The following CSMD1 variants were observed in gnomAD, a reference collection of about 807,000 sequenced individuals.
The protein encoded by CSMD1 is CUB and Sushi multiple domains 1, also known as CUB and sushi domain-containing protein 1.
Under a neutral mutation model 417.5 loss-of-function variants are expected in CSMD1, and 213 were observed. That is an observed-to-expected ratio of 0.51 (90% confidence interval 0.46 to 0.57). The LOEUF (loss-of-function observed/expected upper bound fraction) is 0.57, where lower values mean the gene tolerates loss of function less well. Ranked by LOEUF, CSMD1 falls within the 20% of genes least tolerant of loss-of-function variation. The pLI is 0.00. For missense variants in CSMD1, 6,923 were observed against 4,529.7 expected, an observed-to-expected ratio of 1.53 and a Z score of -15.17; for synonymous variants, 2,862 against 1,736.8, an observed-to-expected ratio of 1.65 and a Z score of -16.11.
At chr8:3,999,620 G>A (rs1168482432) in intron 4 of CSMD1, among the ~76,000 whole-genome samples, 2 of 152,118 alleles carry the variant, frequency 1.3e-5, no homozygotes, top group Non-Finnish European at 2.9e-5. Flanking sequence ...TTTTGTTCCC[G>A]GAGTTTGGAG....
intron 1 of CSMD1, among the ~76,000 whole-genome samples, chr8:4,664,897 T>A (rs1026773852): frequency 1.3e-5 from 2 of 152,188 alleles, no homozygotes; most frequent in African/African-American, 2.4e-5. Context: ...TCTTTACAGT[T>A]TCTATTTACA....
intron 3 of CSMD1, among the ~76,000 whole-genome samples, chr8:4,120,746 T>A (rs1171945127): frequency 6.6e-6 from 1 of 152,224 alleles, no homozygotes; most frequent in East Asian, 1.9e-4. Flanking sequence ...AGGCTCAGAA[T>A]GTGTCTTAGA....
At chr8:3,162,353 T>A (rs984267905) in intron 37 of CSMD1, 76 bp from the exon 38 acceptor site, 14 of 905,048 alleles carry the variant, frequency 1.5e-5, no homozygotes, top group African/African-American at 1.3e-4. Context: ...CCAAAGTTTA[T>A]TTCTATTGCT....
At chr8:4,310,650 G>A (rs140548689) in intron 3 of CSMD1, among the ~76,000 whole-genome samples, 241 of 152,162 alleles carry the variant, frequency 1.6e-3, no homozygotes, top group African/African-American at 5.5e-3. Flanking sequence ...ACATTTGACC[G>A]AGACTATAAA....
At chr8:3,005,459 A>G (rs537685298) in intron 52 of CSMD1, among the ~76,000 whole-genome samples, 103 of 152,244 alleles carry the variant, frequency 6.8e-4, no homozygotes, top group South Asian at 1.0e-3. Flanking sequence ...GCTGGGCAGA[A>G]ACACAACCAA....
At chr8:4,308,507 G>C (rs1426098047) in intron 3 of CSMD1, among the ~76,000 whole-genome samples, 5 of 152,192 alleles carry the variant, frequency 3.3e-5, no homozygotes, top group Non-Finnish European at 7.3e-5. Flanking sequence ...GGCCATTTCA[G>C]TACTTCAGAG....
intron 2 of CSMD1, among the ~76,000 whole-genome samples, chr8:4,561,620 C>T (rs963905413): frequency 1.3e-5 from 2 of 151,818 alleles, no homozygotes; most frequent in Non-Finnish European, 2.9e-5. Flanking sequence ...AGATTGAGGC[C>T]GCAGTGAGCC....
At chr8:3,045,987 C>A (rs1340423614) in intron 50 of CSMD1, among the ~76,000 whole-genome samples, 1 of 152,164 alleles carries the variant, frequency 6.6e-6, no homozygotes, top group Non-Finnish European at 1.5e-5. Flanking sequence ...TACTTATGCA[C>A]ACAGGGACTC....
intron 3 of CSMD1, among the ~76,000 whole-genome samples, chr8:4,407,685 ATT>A (rs1796397352): frequency 6.6e-6 from 1 of 152,208 alleles, no homozygotes; most frequent in Admixed American, 6.5e-5. Context: ...ACAAATTTAA[ATT>A]TGTTATCACG....
At chr8:4,957,972 GTTA>G (rs1336525098) in intron 1 of CSMD1, among the ~76,000 whole-genome samples, 1 of 152,152 alleles carries the variant, frequency 6.6e-6, no homozygotes, top group South Asian at 2.1e-4. Flanking sequence ...TTAGTAAGAT[GTTA>G]TTTTTTCCAT....
chr8:3,769,461 G>C (rs187443058), intron 5 of CSMD1, among the ~76,000 whole-genome samples: 3 of 150,816 alleles, frequency 2.0e-5, no homozygotes, highest in Non-Finnish European at 4.4e-5. Flanking sequence ...TGAACTCATT[G>C]TTTTTCTTCC....
At chr8:4,088,199 C>T (rs1178580568) in intron 3 of CSMD1, among the ~76,000 whole-genome samples, 2 of 152,160 alleles carry the variant, frequency 1.3e-5, no homozygotes, top group Non-Finnish European at 2.9e-5. Flanking sequence ...CCAATCCCTT[C>T]ATTAAAGATG....
At chr8:3,912,960 G>C (rs1390573908) in intron 5 of CSMD1, among the ~76,000 whole-genome samples, 3 of 152,146 alleles carry the variant, frequency 2.0e-5, no homozygotes, top group Non-Finnish European at 4.4e-5. Flanking sequence ...TGGATTGAGA[G>C]GAGTAACCAA....
At chr8:3,509,302 C>T (rs1317842129) in intron 10 of CSMD1, among the ~76,000 whole-genome samples, 1 of 152,168 alleles carries the variant, frequency 6.6e-6, no homozygotes, top group Non-Finnish European at 1.5e-5. Context: ...TTAAGCCTTT[C>T]CCCCACCCAT....
chr8:3,419,950 A>C (rs2166707), intron 12 of CSMD1, among the ~76,000 whole-genome samples: 3 of 152,156 alleles, frequency 2.0e-5, no homozygotes, highest in African/African-American at 4.8e-5. Context: ...GTGAGTTGCT[A>C]GAAGTACCTG....
rs969386227 is a variant in CSMD1 at position 3,382,474 on chromosome 8, A to G, written c.2782+5020T>C. Among the ~76,000 whole-genome samples, 5 of 87,060 alleles carry G rather than the reference A, an allele frequency of 5.7e-5. No homozygotes were observed. In the South Asian group the frequency reaches 1.5e-3, roughly 26 times the overall value. 57.1% of individuals were successfully genotyped at this position (87,060 alleles called of 152,430 possible). A position where few individuals can be genotyped will look rare whatever the true frequency, so the allele number is the denominator to read the frequency against. On this transcript the variant is annotated intron_variant, in intron 18 of 69. Coordinates refer to ENST00000635120, the MANE Select transcript of CSMD1 (RefSeq NM_033225.6). The stretch of plus-strand genomic sequence containing the variant: ...ATAATATATATAATATATTATATAT[A>G]ATCTATATATTTAATTAGTTATGTA...
chr8:4,927,087 C>CATTACT (rs1554522044), intron 1 of CSMD1, among the ~76,000 whole-genome samples: 1 of 143,462 alleles, frequency 7.0e-6, no homozygotes, highest in Non-Finnish European at 1.5e-5. Flanking sequence ...GCTTTCAATG[C>CATTACT]ATTATTATTA....
intron 1 of CSMD1, among the ~76,000 whole-genome samples, chr8:4,912,614 T>A (rs1805768893): frequency 6.6e-6 from 1 of 152,164 alleles, no homozygotes; most frequent in Non-Finnish European, 1.5e-5. Context: ...TTAGCTCAAG[T>A]TTGTTTGGCT....
intron 6 of CSMD1, among the ~76,000 whole-genome samples, chr8:3,723,688 A>T (rs1585135461): frequency 6.6e-6 from 1 of 152,172 alleles, no homozygotes; most frequent in East Asian, 1.9e-4. Context: ...TGGTAAGAGC[A>T]GGGTGATATT....
Sources: allele counts gnomAD v4.1 joint callset (sites outside exome capture counted in the v4.1 genomes callset), GRCh38; gene constraint gnomAD v4.1.1; transcripts MANE v1.5; gene names NCBI Gene and HGNC (gene_info 2026-07-23, HGNC 2026-07-21).